The following RGS22 variants were observed in gnomAD, a reference collection of about 807,000 sequenced individuals.
RGS22 encodes the protein regulator of G protein signaling 22.
Under a neutral mutation model 172.9 loss-of-function variants are expected in RGS22, and 148 were observed. That is an observed-to-expected ratio of 0.86 (90% CI 0.75 to 0.98). The LOEUF (loss-of-function observed/expected upper bound fraction) is 0.98. Ranked by LOEUF, RGS22 falls within the 50% of genes least tolerant of loss-of-function variation. The probability of loss-of-function intolerance (pLI) is 0.00; values close to 1 mark genes in which losing one functional copy is unlikely to be tolerated. For missense variants in RGS22, 1,347 were observed against 1,440.8 expected, an observed-to-expected ratio of 0.93 and a Z score of 1.05; for synonymous variants, 458 against 480.2, an observed-to-expected ratio of 0.95 and a Z score of 0.60.
At chr8:99,964,477 C>CA (rs34613354) in intron 24 of RGS22, among the ~76,000 whole-genome samples, 9,390 of 54,626 alleles carry the variant, frequency 0.17, 691 homozygotes, top group African/African-American at 0.23. Flanking sequence ...GACCCTGTCT[C>CA]AAAAAAAAAA....
intron 14 of RGS22, among the ~76,000 whole-genome samples, chr8:100,027,973 G>A (rs1337249805): frequency 6.6e-6 from 1 of 151,970 alleles, no homozygotes; most frequent in African/African-American, 2.4e-5. Context: ...ATATGATCTT[G>A]TAAAATACAT....
chr8:100,103,590 G>A (rs1813674860), intron 2 of RGS22, among the ~76,000 whole-genome samples: 1 of 152,068 alleles, frequency 6.6e-6, no homozygotes, highest in African/African-American at 2.4e-5. Flanking sequence ...TACAGAGCTG[G>A]CATTAAAAGT....
At chr8:99,979,273 C>T (rs371247808) in intron 22 of RGS22, among the ~76,000 whole-genome samples, 3 of 152,128 alleles carry the variant, frequency 2.0e-5, no homozygotes, top group African/African-American at 7.2e-5. Flanking sequence ...GAGTCAGTCC[C>T]AGTTCTTGAA....
chr8:100,075,953 G>C (rs1184767475), intron 4 of RGS22, among the ~76,000 whole-genome samples: 5 of 152,078 alleles, frequency 3.3e-5, no homozygotes, highest in African/African-American at 9.6e-5. Flanking sequence ...GTCCCACTGT[G>C]ATTTTGATTC....
chr8:100,018,429 GACAC>G (rs35311553), intron 14 of RGS22, among the ~76,000 whole-genome samples: 90,165 of 150,780 alleles, frequency 0.6, 26,981 homozygotes, highest in Admixed American at 0.65. Context: ...AATAAATGAA[GACAC>G]ACACACACAC....
chr8:100,095,136 T>C (rs1812865075), intron 2 of RGS22, among the ~76,000 whole-genome samples: 1 of 152,218 alleles, frequency 6.6e-6, no homozygotes, highest in South Asian at 2.1e-4. Flanking sequence ...GTCTTGCACT[T>C]CTAAAAGATT....
At chr8:100,004,305 T>C in intron 16 of RGS22, 1 of 226,646 alleles carries the variant, frequency 4.4e-6, no homozygotes, top group Non-Finnish European at 7.3e-6. Flanking sequence ...TTTCATTCCA[T>C]TCCCTTCTTT....
At chr8:100,009,945 A>G (rs1170334377) in intron 14 of RGS22, among the ~76,000 whole-genome samples, 4 of 152,216 alleles carry the variant, frequency 2.6e-5, no homozygotes, top group South Asian at 2.1e-4. Flanking sequence ...ATGAATATCA[A>G]TGGTTATAAT....
chr8:100,052,113 A>ATATATATT (rs368765707), intron 10 of RGS22, among the ~76,000 whole-genome samples: 1 of 22,434 alleles, frequency 4.5e-5, no homozygotes, highest in African/African-American at 1.6e-4. Flanking sequence ...ATAAATGTTT[A>ATATATATT]TATATATTTA....
At chr8:100,084,129 G>A (rs182725584) in intron 3 of RGS22, among the ~76,000 whole-genome samples, 1 of 152,094 alleles carries the variant, frequency 6.6e-6, no homozygotes. Context: ...GAGCCACCAC[G>A]CCCGGCCACA....
rs1324687846 is a variant in RGS22 at position 99,996,501 on chromosome 8, G to C, written c.2979C>G (p.Leu993=). 2 of 1,613,488 alleles carry C rather than the reference G, an allele frequency of 1.2e-6. No homozygotes were observed. Among genetic ancestry groups the C allele is most frequent in the Admixed American group, 3.3e-5 (2 of 59,954 alleles). The change falls in exon 20 of 28, where the codon CTC becomes CTG. Residue 993 remains leucine, a synonymous_variant. Coordinates refer to ENST00000360863, the MANE Select transcript of RGS22 (RefSeq NM_015668.5). ...KVQMKDIAEE[L]LLQKAEKKIG... ...TTTTCTTTTCAGCCTTCTGTAGTAAGAGCTCTTCTGCTATGTCTTTCATCT... is the reference window on the plus strand; with the variant it reads ...TTTTCTTTTCAGCCTTCTGTAGTAACAGCTCTTCTGCTATGTCTTTCATCT...
At chr8:100,088,973 A>AG (rs1429073897) in intron 3 of RGS22, among the ~76,000 whole-genome samples, 3 of 152,056 alleles carry the variant, frequency 2.0e-5, no homozygotes, top group Non-Finnish European at 4.4e-5. Context: ...AAAGATTAGA[A>AG]GGTTTACTTG....
intron 20 of RGS22, among the ~76,000 whole-genome samples, chr8:99,994,164 A>T (rs575111505): frequency 2.0e-5 from 3 of 152,226 alleles, no homozygotes; most frequent in Non-Finnish European, 4.4e-5. Context: ...TATCATACTG[A>T]ATGGGCAAAA....
Position 100,084,603 on chromosome 8 carries a change from C to A in RGS22, c.118-4248G>T, listed in dbSNP as rs1317146466. Among the ~76,000 whole-genome samples, 25 of 152,058 alleles carry A rather than the reference C, an allele frequency of 1.6e-4. 1 individual carries two copies. Among genetic ancestry groups the A allele is most frequent in the Non-Finnish European group, 2.9e-5 (2 of 67,998 alleles). ...AATTATAATAGAACAGAGATCTTTCCAGGGGTAAATCAGTGTTTTTGTATT... is the reference window on the plus strand; with the variant it reads ...AATTATAATAGAACAGAGATCTTTCAAGGGGTAAATCAGTGTTTTTGTATT... On this transcript the variant is annotated intron_variant, in intron 3 of 27. Coordinates refer to ENST00000360863, the MANE Select transcript of RGS22 (RefSeq NM_015668.5).
intron 24 of RGS22, among the ~76,000 whole-genome samples, chr8:99,963,539 C>T (rs1016286655): frequency 6.6e-6 from 1 of 152,294 alleles, no homozygotes; most frequent in Admixed American, 6.5e-5. Context: ...AAAACAAATT[C>T]ATATACAGTT....
intron 14 of RGS22, among the ~76,000 whole-genome samples, chr8:100,018,336 G>GA (rs1352618875): frequency 1.3e-5 from 2 of 151,806 alleles, no homozygotes; most frequent in Non-Finnish European, 2.9e-5. Context: ...AGACTAGCAA[G>GA]AAAAAAGATG....
chr8:100,075,619 C>T (rs1811292329), intron 4 of RGS22, among the ~76,000 whole-genome samples: 1 of 152,218 alleles, frequency 6.6e-6, no homozygotes, highest in South Asian at 2.1e-4. Flanking sequence ...ATGGAATTCT[C>T]ACCAATGAGA....
At chr8:100,051,835 GTTTATATA>G (rs1295888062) in intron 10 of RGS22, among the ~76,000 whole-genome samples, 2 of 36,728 alleles carry the variant, frequency 5.4e-5, no homozygotes. Flanking sequence ...ATATATAAAT[GTTTATATA>G]TTTATATATT....
At chr8:99,962,521 G>T in intron 26 of RGS22, 78 bp from the exon 27 acceptor site, 1 of 1,508,244 alleles carries the variant, frequency 6.6e-7, no homozygotes, top group South Asian at 1.1e-5. Flanking sequence ...ACAGAGAGAA[G>T]CAGGACTCAC....
Sources: allele counts gnomAD v4.1 joint callset (sites outside exome capture counted in the v4.1 genomes callset), GRCh38; gene constraint gnomAD v4.1.1; transcripts MANE v1.5; gene names NCBI Gene and HGNC (gene_info 2026-07-23, HGNC 2026-07-21).